The following SOX5 variants were observed in gnomAD, a reference collection of about 807,000 sequenced individuals.
SOX5 encodes the protein SRY-box transcription factor 5.
Under a neutral mutation model 92.0 loss-of-function variants are expected in SOX5, and 9 were observed. The ratio of observed to expected loss-of-function variants is 0.10; its 90% CI spans 0.06 to 0.17. The LOEUF (loss-of-function observed/expected upper bound fraction) is 0.17, where lower values mean the gene tolerates loss of function less well. SOX5 is among the 10% of genes least tolerant of loss of function. SOX5 has a pLI of 1.00. For synonymous variants in SOX5, 344 were observed against 336.3 expected (o/e 1.02, Z -0.25); for missense variants, 642 against 944.5 (o/e 0.68, Z 4.20).
chr12:23,909,834 A>AT (rs59759578), intron 1 of SOX5, among the ~76,000 whole-genome samples: 106,007 of 151,362 alleles, frequency 0.7, 37,214 homozygotes, highest in East Asian at 0.89. Flanking sequence ...ATGCTAGAAC[A>AT]TTTTTTTTCC....
chr12:23,983,403 G>A (rs1949779962), intron 4 of SOX5, among the ~76,000 whole-genome samples: 1 of 152,152 alleles, frequency 6.6e-6, no homozygotes, highest in Non-Finnish European at 1.5e-5. Flanking sequence ...GTGCCATTCT[G>A]TATAGTGGGA....
intron 4 of SOX5, among the ~76,000 whole-genome samples, chr12:23,978,188 G>A (rs1394953165): frequency 6.6e-6 from 1 of 152,104 alleles, no homozygotes; most frequent in Non-Finnish European, 1.5e-5. Context: ...AAATTTCCAA[G>A]AACAGATTGA....
At chr12:24,324,013 G>T (rs762885686) in intron 2 of SOX5, among the ~76,000 whole-genome samples, 6 of 152,012 alleles carry the variant, frequency 3.9e-5, no homozygotes, top group Non-Finnish European at 5.9e-5. Flanking sequence ...AAATTACAAG[G>T]GCAGCTTAGT....
intron 2 of SOX5, among the ~76,000 whole-genome samples, chr12:24,302,236 C>T (rs1948048890): frequency 6.6e-6 from 1 of 152,120 alleles, no homozygotes; most frequent in Non-Finnish European, 1.5e-5. Context: ...CTCACCCCTA[C>T]ATATGTATGT....
In SOX5 at chr12:24,353,509, G is replaced by C. The variant is rs567328220; in HGVS notation, c.-174+15054C>G. 7.0e-4 allele frequency among the ~76,000 whole-genome samples: 106 copies of C among 152,296 alleles called. No individual in the cohort carries two copies. In the South Asian group the frequency reaches 7.5e-3, roughly 11 times the overall value. ...ATGTTTCTGGGAAAGAGAATGCAAA[G>C]TGAGGGCAGATGGAGGGGTCGACAT... is the stretch of plus-strand genomic sequence containing the variant. On this transcript the variant is annotated intron_variant, in intron 2 of 4. Coordinates refer to the SOX5 transcript ENST00000446891.
At chr12:24,542,350 C>A (rs1413634244) in intron 1 of SOX5, among the ~76,000 whole-genome samples, 1 of 152,194 alleles carries the variant, frequency 6.6e-6, no homozygotes, top group Admixed American at 6.5e-5. Flanking sequence ...CTCATGAAAG[C>A]CTTCTGGGAC....
intron 9 of SOX5, among the ~76,000 whole-genome samples, chr12:23,603,446 AT>A (rs1162679476): frequency 1.0e-4 from 4 of 38,366 alleles, no homozygotes; most frequent in African/African-American, 3.2e-4. Flanking sequence ...TATATATAAA[AT>A]ATATATATAT....
At chr12:24,069,334 A>G (rs1941403610) in intron 4 of SOX5, among the ~76,000 whole-genome samples, 1 of 152,208 alleles carries the variant, frequency 6.6e-6, no homozygotes, top group Admixed American at 6.5e-5. Flanking sequence ...ATGTACATCA[A>G]ACTAAAGTTT....
intron 1 of SOX5, among the ~76,000 whole-genome samples, chr12:23,905,209 C>T (rs1410069229): frequency 6.6e-6 from 1 of 152,150 alleles, no homozygotes; most frequent in Non-Finnish European, 1.5e-5. Context: ...TTCCACTGTT[C>T]TATCCTTTTC....
At chr12:23,995,412 G>A (rs148327748) in intron 4 of SOX5, among the ~76,000 whole-genome samples, 3 of 152,252 alleles carry the variant, frequency 2.0e-5, no homozygotes, top group African/African-American at 7.2e-5. Flanking sequence ...GATAGTAATA[G>A]GGATGAGCAC....
At chr12:24,085,294 C>T (rs1943847079) in intron 4 of SOX5, among the ~76,000 whole-genome samples, 2 of 152,044 alleles carry the variant, frequency 1.3e-5, no homozygotes, top group African/African-American at 4.8e-5. Context: ...GTAATGTGGG[C>T]TCATGCCAGG....
At chr12:23,712,288 G>C (rs1189254647) in intron 6 of SOX5, among the ~76,000 whole-genome samples, 1 of 152,200 alleles carries the variant, frequency 6.6e-6, no homozygotes, top group Non-Finnish European at 1.5e-5. Context: ...CAGGAGTCTA[G>C]AGTATGGTGG....
intron 4 of SOX5, among the ~76,000 whole-genome samples, chr12:24,180,061 C>T (rs954776494): frequency 4.6e-5 from 7 of 152,012 alleles, no homozygotes; most frequent in Admixed American, 3.3e-4. Context: ...CCTCCCACCT[C>T]AGCCTCCCAA....
intron 4 of SOX5, among the ~76,000 whole-genome samples, chr12:24,137,045 G>T (rs1407358873): frequency 6.6e-6 from 1 of 152,160 alleles, no homozygotes; most frequent in Non-Finnish European, 1.5e-5. Context: ...TGGTCTTAGA[G>T]AATAGATCTT....
chr12:24,083,243 C>A (rs1943579718), intron 4 of SOX5, among the ~76,000 whole-genome samples: 1 of 151,962 alleles, frequency 6.6e-6, no homozygotes, highest in South Asian at 2.1e-4. Flanking sequence ...AAAGGACCTC[C>A]TTCCCTGAAC....
chr12:24,543,119 A>G (rs1050161701), intron 1 of SOX5, among the ~76,000 whole-genome samples: 1 of 152,230 alleles, frequency 6.6e-6, no homozygotes, highest in Non-Finnish European at 1.5e-5. Flanking sequence ...TGTGATTTTT[A>G]AAAGAATGAA....
chr12:23,536,442 A>C lies in SOX5; in HGVS notation c.1988+11T>G. On this transcript the variant is annotated intron_variant, in intron 14 of 14. Transcript: ENST00000451604. ...TTTGCCCCATGAGAAAAATGACTAA[A>C]AGGTACATACCCAACATTGAAGTAC... The C allele has an allele frequency of 1.9e-6, 3 of 1,607,736 alleles. No individual in the cohort carries two copies. The highest frequency in any genetic ancestry group is 2.6e-6 in the Non-Finnish European group (3 of 1,174,598).
rs1240626649 is a variant in SOX5 at position 23,854,830 on chromosome 12, A to G, written c.271-8637T>C. 2.6e-5 allele frequency among the ~76,000 whole-genome samples: 4 copies of G among 152,102 alleles called. No homozygotes were observed. The East Asian group carries it at 7.7e-4, about 29-fold the overall frequency. On this transcript the variant is annotated intron_variant, in intron 2 of 14. Coordinates refer to ENST00000451604, the MANE Select transcript of SOX5 (RefSeq NM_006940.6). Reference sequence around the variant, plus strand: ...TTCTCATCTGCAAAATGGGGATAATATTAGCATCTAATACCTCACTGGGTT... The same window carrying G: ...TTCTCATCTGCAAAATGGGGATAATGTTAGCATCTAATACCTCACTGGGTT...
chr12:24,143,808 GAAGAA>G (rs1950808751), intron 4 of SOX5, among the ~76,000 whole-genome samples: 1 of 151,406 alleles, frequency 6.6e-6, no homozygotes, highest in Non-Finnish European at 1.5e-5. Flanking sequence ...AATGGATGGA[GAAGAA>G]AAGAAGAAGA....
Sources: allele counts gnomAD v4.1 joint callset (sites outside exome capture counted in the v4.1 genomes callset), GRCh38; gene constraint gnomAD v4.1.1; transcripts MANE v1.5; gene names NCBI Gene and HGNC (gene_info 2026-07-23, HGNC 2026-07-21).